The following FAM169A variants were observed in gnomAD, a reference collection of about 807,000 sequenced individuals.
The protein encoded by FAM169A is soluble lamin-associated protein of 75 kDa.
A neutral mutation model predicts 75.7 loss-of-function variants in FAM169A; 24 were observed. That is an observed-to-expected ratio of 0.32 (90% CI 0.23 to 0.45). FAM169A has a LOEUF of 0.45. Ranked by LOEUF, FAM169A falls within the 20% of genes least tolerant of loss-of-function variation. FAM169A has a pLI of 1.00. For synonymous variants in FAM169A, 271 were observed against 271.0 expected, an observed-to-expected ratio of 1.00 and a Z score of 0.00; for missense variants, 673 against 784.0, an observed-to-expected ratio of 0.86 and a Z score of 1.69.
intron 11 of FAM169A, among the ~76,000 whole-genome samples, chr5:74,789,006 C>T (rs1485545692): frequency 6.6e-6 from 1 of 152,182 alleles, no homozygotes; most frequent in Non-Finnish European, 1.5e-5. Context: ...TGCCAAATGC[C>T]TTTTTCTCCA....
chr5:74,804,461 T>C (rs1248564494), intron 8 of FAM169A, 32 bp downstream of exon 8: 4 of 1,142,806 alleles, frequency 3.5e-6, no homozygotes, highest in Non-Finnish European at 4.9e-6. Flanking sequence ...AAATTTTATA[T>C]ACAACAATAA....
intron 5 of FAM169A, among the ~76,000 whole-genome samples, chr5:74,820,353 T>C (rs1747711949): frequency 6.6e-6 from 1 of 152,114 alleles, no homozygotes; most frequent in Non-Finnish European, 1.5e-5. Flanking sequence ...CAGGTAGTTG[T>C]TAAAAATGTA....
rs200730062 is a variant in FAM169A, at chr5:74,813,982, T to C, written c.528A>G (p.Gln176=). 71 of 1,593,744 alleles carry C rather than the reference T, an allele frequency of 4.5e-5. No homozygotes were observed. The highest frequency in any genetic ancestry group is 5.9e-5 in the Non-Finnish European group (69 of 1,173,994). Residue 176 remains glutamine (Q), a synonymous_variant, in exon 6 of 13, where the codon CAA becomes CAG. Transcript: ENST00000687041. ...ICASFLTQSY[Q]LPVLDTMFLR... The stretch of plus-strand genomic sequence containing the variant: ...GAAACATTGTATCAAGAACTGGCAA[T>C]TGGTAACTTTGGGTAAGAAAAGAGG...
intron 11 of FAM169A, among the ~76,000 whole-genome samples, chr5:74,790,417 C>A (rs1351972874): frequency 6.6e-6 from 1 of 152,164 alleles, no homozygotes; most frequent in Non-Finnish European, 1.5e-5. Context: ...TCATGGACTG[C>A]AGCCAATGGT....
At chr5:74,806,379 C>A (rs1224406880) in intron 6 of FAM169A, among the ~76,000 whole-genome samples, 1 of 152,106 alleles carries the variant, frequency 6.6e-6, no homozygotes, top group Non-Finnish European at 1.5e-5. Context: ...AGATCCTGAC[C>A]TCACATCAAC....
intron 1 of FAM169A, among the ~76,000 whole-genome samples, chr5:74,863,044 G>A (rs1750122797): frequency 6.8e-6 from 1 of 146,718 alleles, no homozygotes; most frequent in African/African-American, 2.5e-5. Flanking sequence ...AAAAAAGGCA[G>A]GGGTGGGAGG....
intron 5 of FAM169A, among the ~76,000 whole-genome samples, chr5:74,829,668 T>C (rs547907513): frequency 3.6e-4 from 55 of 151,998 alleles, no homozygotes; most frequent in Middle Eastern, 3.4e-3. Flanking sequence ...AAAAAAATAA[T>C]TAAACGACCC....
Position 74,840,133 on chromosome 5 carries a change from T to C in FAM169A, c.173A>G (p.Tyr58Cys). 1.2e-6 allele frequency: 2 copies of C among 1,600,968 alleles called. No individual in the cohort carries two copies. Among genetic ancestry groups the C allele is most frequent in the Non-Finnish European group, 8.5e-7 (1 of 1,173,412 alleles). ...SLSNVGFVPLYGGDQTQKILA... is the reference protein window; with the variant it reads ...SLSNVGFVPLCGGDQTQKILA... ...AATTTTCTGGGTCTGATCTCCACCA[T>C]AAAGAGGTACAAAGCCTACATTTGA... The change falls in exon 3 of 13, where the codon TAT becomes TGT. Residue 58 changes from tyrosine (Y) to cysteine (C), a missense_variant. Physicochemically the swap from Tyr to Cys is radical, Grantham distance 194. Transcript: ENST00000687041.
At chr5:74,846,380 A>C (rs562657656) in intron 1 of FAM169A, among the ~76,000 whole-genome samples, 1 of 152,238 alleles carries the variant, frequency 6.6e-6, no homozygotes, top group South Asian at 2.1e-4. Flanking sequence ...TCACAACCAC[A>C]TAAAAATAAT....
chr5:74,787,084 G>C (rs1745733303), intron 11 of FAM169A, among the ~76,000 whole-genome samples: 1 of 152,154 alleles, frequency 6.6e-6, no homozygotes, highest in Admixed American at 6.5e-5. Flanking sequence ...TTCAGAGTGT[G>C]ACCCACAAGG....
At position 74,841,556 on chromosome 5, in the gene FAM169A, G is replaced by A; in HGVS notation, c.121C>T (p.Leu41Phe). 6.2e-7 allele frequency: 1 copy of A among 1,612,422 alleles called. No individual in the cohort carries two copies. The highest frequency in any genetic ancestry group is 8.5e-7 in the Non-Finnish European group (1 of 1,179,014). Residue 41 changes from leucine (L) to phenylalanine (F), a missense_variant, in exon 2 of 13, where the codon CTC becomes TTC. Leu to Phe is a conservative substitution (Grantham distance 22). Transcript: ENST00000687041. ...GCAGAACACCTTACCGTAATATTGA[G>A]AAGAGAAAAACACTCTGGATTTTCA... is the stretch of plus-strand genomic sequence containing the variant. ...DPENPECFSLLNITIPISLSN... is the reference protein window; with the variant it reads ...DPENPECFSLFNITIPISLSN...
Position 74,839,081 on chromosome 5 carries a change from G to C in FAM169A, c.233-31C>G, listed in dbSNP as rs201794628. ...ATAGAATAAATAATCATTAACACTT[G>C]AGTTTTAAAGTACACTTTTAGACTT... is the stretch of plus-strand genomic sequence containing the variant. On this transcript the variant is annotated intron_variant, in intron 3 of 12. Coordinates refer to ENST00000687041, the MANE Select transcript of FAM169A (RefSeq NM_001376049.1). The C allele has an allele frequency of 4.1e-5, 61 of 1,497,352 alleles. 1 individual carries two copies. The highest frequency in any genetic ancestry group is 5.3e-5 in the Non-Finnish European group (57 of 1,074,310). The allele number at this position is 1,497,352 out of a possible 1,614,324, so 92.8% of individuals were successfully genotyped here. A position where few individuals can be genotyped will look rare whatever the true frequency, so the allele number is the denominator to read the frequency against.
At position 74,799,346 on chromosome 5, in the gene FAM169A, G is replaced by A. The variant is rs989238159; in HGVS notation, c.1103+1534C>T. 1.6e-5 allele frequency: 26 copies of A among 1,609,510 alleles called. No individual in the cohort carries two copies. In the Admixed American group the frequency reaches 2.2e-4, roughly 13 times the overall value. On this transcript the variant is annotated intron_variant, in intron 10 of 12. Coordinates refer to ENST00000687041, the MANE Select transcript of FAM169A (RefSeq NM_001376049.1). ...AAATTTGCTGTGGGAAGTGAAGCAC[G>A]ACTCATTTCAGTTTGTTACTTTGAG...
At chr5:74,857,624 AGAAACAATATGCTGAT>A (rs1749793874) in intron 1 of FAM169A, among the ~76,000 whole-genome samples, 1 of 150,798 alleles carries the variant, frequency 6.6e-6, no homozygotes, top group Admixed American at 6.6e-5. Context: ...AAATATTTGA[AGAAACAATATGCTGAT>A]GAAAAGTTTA....
intron 1 of FAM169A, among the ~76,000 whole-genome samples, chr5:74,842,644 G>A (rs1417612730): frequency 6.7e-6 from 1 of 149,720 alleles, no homozygotes; most frequent in Admixed American, 6.7e-5. Flanking sequence ...CAATTCTTCT[G>A]CCTTGACCTC....
In FAM169A at chr5:74,800,895, G is replaced by C; in HGVS notation, c.1088C>G (p.Thr363Arg). The C allele has an allele frequency of 6.9e-7, 1 of 1,449,634 alleles. No homozygotes were observed. Among genetic ancestry groups the C allele is most frequent in the South Asian group, 1.7e-5 (1 of 58,580 alleles). The allele number at this position is 1,449,634 out of a possible 1,614,324, so 89.8% of individuals were successfully genotyped here. The change falls in exon 10 of 13, where the codon ACA (threonine) becomes AGA (arginine). Residue 363 changes from threonine to arginine, a missense_variant. Coordinates refer to ENST00000687041, the MANE Select transcript of FAM169A (RefSeq NM_001376049.1). ...EDEKTSQTSLTASINKLESTA... is the reference protein window; with the variant it reads ...EDEKTSQTSLRASINKLESTA... ...AATTATTTACTTGTTTATTGAAGCT[G>C]TAAGTGAAGTCTGGGAGGTCTTTTC...
intron 6 of FAM169A, among the ~76,000 whole-genome samples, chr5:74,806,891 T>C (rs1422497435): frequency 6.6e-6 from 1 of 152,006 alleles, no homozygotes; most frequent in Non-Finnish European, 1.5e-5. Context: ...GAGTGGTCAA[T>C]AAACAAAGAT....
At chr5:74,815,688 G>C (rs1747433962) in intron 5 of FAM169A, among the ~76,000 whole-genome samples, 1 of 152,176 alleles carries the variant, frequency 6.6e-6, no homozygotes, top group Non-Finnish European at 1.5e-5. Flanking sequence ...GATGAGACAG[G>C]AGGTTGGCAC....
At chr5:74,843,902 G>A (rs1484582232) in intron 1 of FAM169A, among the ~76,000 whole-genome samples, 1 of 152,168 alleles carries the variant, frequency 6.6e-6, no homozygotes, top group Non-Finnish European at 1.5e-5. Flanking sequence ...CAATGTTACT[G>A]AAAGTGAGAC....
Sources: allele counts gnomAD v4.1 joint callset (sites outside exome capture counted in the v4.1 genomes callset), GRCh38; gene constraint gnomAD v4.1.1; transcripts MANE v1.5; gene names NCBI Gene and HGNC (gene_info 2026-07-23, HGNC 2026-07-21).